THSD7B: variants seen among roughly 807,000 people sequenced by gnomAD.
The protein encoded by THSD7B is thrombospondin type-1 domain-containing protein 7B.
In THSD7B, 138 loss-of-function variants were observed where a neutral mutation model predicts 213.6. That is an observed-to-expected ratio of 0.65 (90% CI 0.56 to 0.74). The LOEUF (loss-of-function observed/expected upper bound fraction) is 0.74, where lower values mean the gene tolerates loss of function less well. Ranked by LOEUF, THSD7B falls within the 30% of genes least tolerant of loss-of-function variation. The pLI, the probability that THSD7B is intolerant of heterozygous loss-of-function variation, is 0.00. For synonymous variants in THSD7B, 742 were observed against 687.0 expected (o/e 1.08, Z -1.25); for missense variants, 1,931 against 1,991.5 (o/e 0.97, Z 0.58).
chr2:137,390,475 C>A (rs1685996562), intron 12 of THSD7B, among the ~76,000 whole-genome samples: 1 of 152,144 alleles, frequency 6.6e-6, no homozygotes. Flanking sequence ...ATCATGTCAT[C>A]TGCAAAGAGA....
At chr2:137,498,288 A>G (rs1305048313) in intron 15 of THSD7B, among the ~76,000 whole-genome samples, 2 of 151,788 alleles carry the variant, frequency 1.3e-5, no homozygotes, top group African/African-American at 2.4e-5. Flanking sequence ...ATGAATTAAG[A>G]CTGTTTAGGT....
At chr2:137,361,698 A>G (rs1685265089) in intron 12 of THSD7B, among the ~76,000 whole-genome samples, 1 of 152,204 alleles carries the variant, frequency 6.6e-6, no homozygotes, top group South Asian at 2.1e-4. Context: ...CAGTAAAAAT[A>G]AATGAACAAA....
intron 10 of THSD7B, among the ~76,000 whole-genome samples, chr2:137,269,621 G>A (rs769978026): frequency 3.3e-5 from 5 of 152,182 alleles, no homozygotes; most frequent in Non-Finnish European, 5.9e-5. Context: ...AAATAGTACA[G>A]TATAGGCTAA....
chr2:137,098,973 G>A (rs1465249708), intron 4 of THSD7B, among the ~76,000 whole-genome samples: 1 of 152,178 alleles, frequency 6.6e-6, no homozygotes, highest in Non-Finnish European at 1.5e-5. Context: ...GCATTGTATA[G>A]CCTTAAGTTT....
At chr2:137,647,494 G>A (rs943166389) in intron 21 of THSD7B, among the ~76,000 whole-genome samples, 5 of 125,478 alleles carry the variant, frequency 4.0e-5, no homozygotes, top group African/African-American at 1.6e-4. Context: ...CTCTTGTTTT[G>A]TCTCTTGCTC....
chr2:137,388,893 C>T (rs1685953318), intron 12 of THSD7B, among the ~76,000 whole-genome samples: 1 of 151,520 alleles, frequency 6.6e-6, no homozygotes, highest in South Asian at 2.1e-4. Context: ...GTATATATAC[C>T]ACATTTTCTT....
At chr2:137,097,073 A>C (rs1688052429) in intron 4 of THSD7B, among the ~76,000 whole-genome samples, 1 of 152,224 alleles carries the variant, frequency 6.6e-6, no homozygotes, top group Non-Finnish European at 1.5e-5. Flanking sequence ...TTACTTCAGA[A>C]GGCTTCTTAA....
At chr2:137,020,225 A>C (rs369219011) in intron 2 of THSD7B, among the ~76,000 whole-genome samples, 1 of 152,080 alleles carries the variant, frequency 6.6e-6, no homozygotes, top group South Asian at 2.1e-4. Context: ...GGCAGCAGGA[A>C]TAGCTTGAGC....
chr2:137,383,416 G>A (rs1685823505), intron 12 of THSD7B, among the ~76,000 whole-genome samples: 2 of 152,242 alleles, frequency 1.3e-5, no homozygotes, highest in South Asian at 2.1e-4. Flanking sequence ...CCTAGGGGGT[G>A]GAATATAAGG....
chr2:137,156,761 C>T (rs570350662), intron 5 of THSD7B, among the ~76,000 whole-genome samples: 15 of 152,290 alleles, frequency 9.8e-5, no homozygotes, highest in Admixed American at 2.6e-4. Flanking sequence ...CCCGCACAGA[C>T]ATGCTGGGAG....
At chr2:136,846,773 T>A (rs2104960045) in intron 1 of THSD7B, among the ~76,000 whole-genome samples, 1 of 152,306 alleles carries the variant, frequency 6.6e-6, no homozygotes, top group South Asian at 2.1e-4. Context: ...TGTATGGGTT[T>A]TACGATACAC....
At chr2:137,231,353 T>G in intron 8 of THSD7B, 118 bp downstream of exon 8, 5 of 992,288 alleles carry the variant, frequency 5.0e-6, no homozygotes, top group Non-Finnish European at 7.3e-6. Context: ...GATATCTCTA[T>G]TCCCTGAATC....
chr2:137,477,717 A>AT (rs1359089709), intron 15 of THSD7B, among the ~76,000 whole-genome samples: 4 of 151,650 alleles, frequency 2.6e-5, no homozygotes, highest in Non-Finnish European at 5.9e-5. Flanking sequence ...TGTACATGCC[A>AT]TTTTTTCACT....
intron 12 of THSD7B, among the ~76,000 whole-genome samples, chr2:137,301,000 C>T (rs1214402696): frequency 1.3e-5 from 2 of 152,000 alleles, no homozygotes; most frequent in African/African-American, 2.4e-5. Flanking sequence ...TTATGAAGTC[C>T]CTTATTGCAA....
At chr2:136,834,852 CTA>C (rs1367953249) in intron 1 of THSD7B, among the ~76,000 whole-genome samples, 1 of 152,100 alleles carries the variant, frequency 6.6e-6, no homozygotes, top group African/African-American at 2.4e-5. Flanking sequence ...ACTAATAAAT[CTA>C]TGTTATCTTC....
chr2:136,853,054 G>A (rs74566369), intron 1 of THSD7B, among the ~76,000 whole-genome samples: 5,422 of 151,942 alleles, frequency 0.036, 173 homozygotes, highest in East Asian at 0.16. Flanking sequence ...GTGTGTGCAT[G>A]TGCATGTGTG....
intron 12 of THSD7B, among the ~76,000 whole-genome samples, chr2:137,310,688 A>G (rs371330753): frequency 4.0e-4 from 61 of 151,234 alleles, no homozygotes; most frequent in African/African-American, 1.3e-3. Flanking sequence ...TGTATAAGGC[A>G]TAAGGAAGGG....
At chr2:137,125,289 A>G (rs574883591) in intron 5 of THSD7B, among the ~76,000 whole-genome samples, 2 of 152,294 alleles carry the variant, frequency 1.3e-5, no homozygotes, top group East Asian at 1.9e-4. Flanking sequence ...ATTGGAGTCA[A>G]TCCTCTCAAA....
Position 137,401,423 on chromosome 2 carries a change from A to C in THSD7B, c.2501-4190A>C, listed in dbSNP as rs185535315. On this transcript the variant is annotated intron_variant, in intron 12 of 27. Coordinates refer to ENST00000409968, the MANE Select transcript of THSD7B (RefSeq NM_001316349.2). Reference sequence around the variant, plus strand: ...TAGTATAATTCAATACACAGTAATTAAATTAATGTTTATGAATAAAATGAT... The same window carrying C: ...TAGTATAATTCAATACACAGTAATTCAATTAATGTTTATGAATAAAATGAT... Among the ~76,000 whole-genome samples, 193 of 152,344 alleles carry C rather than the reference A, an allele frequency of 1.3e-3. 1 individual carries two copies. Among genetic ancestry groups the C allele is most frequent in the African/African-American group, 4.3e-3 (179 of 41,570 alleles).
Sources: gnomAD v4.1 joint callset for allele counts (sites outside exome capture counted in the v4.1 genomes callset) on GRCh38, gnomAD v4.1.1 for gene constraint, MANE v1.5 for transcripts, NCBI Gene and HGNC (gene_info 2026-07-23, HGNC 2026-07-21) for gene names.